The following SLC25A19 variants were observed in gnomAD, a reference collection of about 807,000 sequenced individuals.
SLC25A19 encodes the protein solute carrier family 25 member 19.
Under a neutral mutation model 27.9 loss-of-function variants are expected in SLC25A19, and 18 were observed. The ratio of observed to expected loss-of-function variants is 0.64; its 90% CI spans 0.45 to 0.96. The LOEUF (loss-of-function observed/expected upper bound fraction) is 0.96, where lower values mean the gene tolerates loss of function less well. Ranked by LOEUF, SLC25A19 falls within the 40% of genes least tolerant of loss-of-function variation. The probability of loss-of-function intolerance (pLI) is 0.00; values close to 1 mark genes in which losing one functional copy is unlikely to be tolerated. For missense variants in SLC25A19, 371 were observed against 418.3 expected (o/e 0.89, Z 0.99); for synonymous variants, 169 against 167.1 (o/e 1.01, Z -0.09).
intron 2 of SLC25A19, 125 bp from the exon 3 acceptor site, chr17:75,286,927 C>T (rs997959318): frequency 1.5e-5 from 14 of 949,242 alleles, no homozygotes; most frequent in South Asian, 1.0e-4. Context: ...TTGGACTGGG[C>T]GCAGCGGTTC....
At chr17:75,275,074 G>C (rs71380883) in intron 7 of SLC25A19, among the ~76,000 whole-genome samples, 1 of 132,098 alleles carries the variant, frequency 7.6e-6, no homozygotes, top group Non-Finnish European at 1.5e-5. Flanking sequence ...CTGCAGCCTC[G>C]AACTCCTGGG....
intron 5 of SLC25A19, among the ~76,000 whole-genome samples, chr17:75,281,984 C>T (rs1044191042): frequency 6.6e-6 from 1 of 151,840 alleles, no homozygotes; most frequent in Non-Finnish European, 1.5e-5. Context: ...AAGAACTCAA[C>T]CTCTGCCGAG....
intron 7 of SLC25A19, among the ~76,000 whole-genome samples, chr17:75,276,199 C>T (rs943126301): frequency 4.0e-5 from 6 of 151,674 alleles, no homozygotes; most frequent in East Asian, 1.9e-4. Context: ...TGCTTGAACC[C>T]GGGAGGCAGA....
intron 5 of SLC25A19, among the ~76,000 whole-genome samples, chr17:75,279,040 TAG>T (rs1315207253): frequency 4.7e-5 from 7 of 150,518 alleles, no homozygotes; most frequent in African/African-American, 1.7e-4. Context: ...AAAAATAAAG[TAG>T]AGAGGAGGTC....
chr17:75,286,651 G>A lies in SLC25A19; in HGVS notation c.114C>T (p.Val38=). Residue 38 remains valine (V), a synonymous_variant, in exon 3 of 8, where the codon GTC becomes GTT. Transcript: ENST00000416858. ...VTRALISPFD[V]IKIRFQLQHE... ...AGAGTACCTGGAAACGGATCTTGAT[G>A]ACGTCGAAGGGACTGATCAGCGCCC... 1.9e-6 allele frequency: 3 copies of A among 1,614,164 alleles called. No homozygotes were observed. Among genetic ancestry groups the A allele is most frequent in the Non-Finnish European group, 1.7e-6 (2 of 1,180,030 alleles).
At chr17:75,279,963 A>G (rs1567838102) in intron 5 of SLC25A19, among the ~76,000 whole-genome samples, 1 of 152,092 alleles carries the variant, frequency 6.6e-6, no homozygotes, top group African/African-American at 2.4e-5. Context: ...TGCCTGGCTA[A>G]TTTTTTTGTA....
intron 5 of SLC25A19, among the ~76,000 whole-genome samples, chr17:75,282,175 C>T (rs2078054282): frequency 6.6e-6 from 1 of 152,104 alleles, no homozygotes; most frequent in Non-Finnish European, 1.5e-5. Context: ...ATCACTTGAT[C>T]CCAGGAGGTC....
rs1160866257 is a variant in SLC25A19, at chr17:75,283,500, C to T, written c.382G>A (p.Ala128Thr). ...FSVHFVCGGL[A>T]ACMATLTVHP... ...ACAGTGAGGGTGGCCATACAGGCAG[C>T]CAGGCCACCACATACAAAGTGCACT... Residue 128 changes from alanine (A) to threonine (T), a missense_variant, in exon 5 of 8, where the codon GCT becomes ACT. Physicochemically the swap from Ala to Thr is moderately conservative, Grantham distance 58. Coordinates refer to ENST00000416858, the MANE Select transcript of SLC25A19 (RefSeq NM_001126121.2). 1.2e-6 allele frequency: 2 copies of T among 1,613,398 alleles called. No individual in the cohort carries two copies. The highest frequency in any genetic ancestry group is 1.1e-5 in the South Asian group (1 of 90,966).
chr17:75,278,423 A>G, intron 5 of SLC25A19, 88 bp from the exon 6 acceptor site: 1 of 1,477,692 alleles, frequency 6.8e-7, no homozygotes, highest in Non-Finnish European at 9.4e-7. Flanking sequence ...CTCGCCTAAA[A>G]TACCAGCTAC....
At chr17:75,286,856 T>C in intron 2 of SLC25A19, 54 bp from the exon 3 acceptor site, 1 of 1,530,046 alleles carries the variant, frequency 6.5e-7, no homozygotes, top group South Asian at 1.2e-5. Flanking sequence ...TGGTCTCTGC[T>C]CAAATATCAC....
intron 1 of SLC25A19, 136 bp from the exon 2 acceptor site, chr17:75,288,727 G>A (rs2078240809): frequency 6.6e-6 from 1 of 151,198 alleles, no homozygotes; most frequent in Admixed American, 6.6e-5. Flanking sequence ...GTAGTAGTGG[G>A]GGTGGGGGTG....
intron 4 of SLC25A19, among the ~76,000 whole-genome samples, chr17:75,285,694 G>C (rs1462211102): frequency 6.6e-6 from 1 of 152,218 alleles, no homozygotes; most frequent in Non-Finnish European, 1.5e-5. Context: ...ACATGGGAGG[G>C]ACAACAGCCC....
At chr17:75,276,899 G>A (rs1198041435) in intron 7 of SLC25A19, among the ~76,000 whole-genome samples, 1 of 148,970 alleles carries the variant, frequency 6.7e-6, no homozygotes, top group African/African-American at 2.5e-5. Context: ...TATCCAGGAT[G>A]GTCTCGATCT....
intron 5 of SLC25A19, 54 bp downstream of exon 5, chr17:75,283,368 CT>C: frequency 1.3e-6 from 2 of 1,558,938 alleles, no homozygotes; most frequent in South Asian, 2.3e-5. Context: ...AATGCTACCC[CT>C]GTGACAACAC....
intron 2 of SLC25A19, chr17:75,288,133 G>A (rs2078227125): frequency 6.6e-6 from 1 of 152,266 alleles, no homozygotes; most frequent in Non-Finnish European, 1.5e-5. Flanking sequence ...TACAGAGTGA[G>A]ACTCCGTCTC....
chr17:75,283,775 G>A (rs993025123), intron 4 of SLC25A19, among the ~76,000 whole-genome samples, 182 bp from the exon 5 acceptor site: 1 of 152,164 alleles, frequency 6.6e-6, no homozygotes, highest in Non-Finnish European at 1.5e-5. Context: ...CGCAAAACTC[G>A]GATGCCATTT....
intron 6 of SLC25A19, among the ~76,000 whole-genome samples, chr17:75,277,857 G>T (rs1171397567): frequency 1.5e-5 from 2 of 137,828 alleles, no homozygotes; most frequent in Non-Finnish European, 3.0e-5. Flanking sequence ...AGCAACTGAA[G>T]AACCTCAACC....
chr17:75,274,950 G>A (rs1259657973), intron 7 of SLC25A19, among the ~76,000 whole-genome samples: 1 of 140,838 alleles, frequency 7.1e-6, no homozygotes, highest in Non-Finnish European at 1.5e-5. Context: ...ATCTGTGGTA[G>A]TGAAATTACA....
chr17:75,288,776 C>T (rs2078242263), intron 1 of SLC25A19, among the ~76,000 whole-genome samples, 185 bp from the exon 2 acceptor site: 1 of 152,186 alleles, frequency 6.6e-6, no homozygotes, highest in African/African-American at 2.4e-5. Context: ...ATGGCAGCCT[C>T]CACCCCAGAC....
Sources: gnomAD v4.1 joint callset for allele counts (sites outside exome capture counted in the v4.1 genomes callset) on GRCh38, gnomAD v4.1.1 for gene constraint, MANE v1.5 for transcripts, NCBI Gene and HGNC (gene_info 2026-07-23, HGNC 2026-07-21) for gene names.